The following TXNDC16 variants were observed in gnomAD, a reference collection of about 807,000 sequenced individuals.
TXNDC16 encodes thioredoxin domain containing 16, also known as thioredoxin domain-containing protein 16.
Under a neutral mutation model 85.6 loss-of-function variants are expected in TXNDC16, and 74 were observed. The observed-to-expected ratio is 0.86, with a 90% CI of 0.72 to 1.05. TXNDC16 has a LOEUF of 1.05. Ranked by LOEUF, TXNDC16 falls within the 50% of genes least tolerant of loss-of-function variation. TXNDC16 has a pLI of 0.00. For synonymous variants in TXNDC16, 335 were observed against 326.5 expected (o/e 1.03, Z -0.28); for missense variants, 959 against 947.0 (o/e 1.01, Z -0.17).
intron 16 of TXNDC16, among the ~76,000 whole-genome samples, chr14:52,458,191 C>T (rs2035576154): frequency 1.3e-5 from 2 of 152,156 alleles, no homozygotes; most frequent in African/African-American, 4.8e-5. Flanking sequence ...TTGAGCAATA[C>T]TGTCTGTAGG....
At chr14:52,435,418 T>C (rs1173182879) in intron 20 of TXNDC16, among the ~76,000 whole-genome samples, 2 of 152,134 alleles carry the variant, frequency 1.3e-5, no homozygotes, top group South Asian at 2.1e-4. Context: ...TAAGTGAACA[T>C]AGACTTTCTG....
chr14:52,435,295 A>T (rs1465650531), intron 20 of TXNDC16, among the ~76,000 whole-genome samples: 5 of 147,900 alleles, frequency 3.4e-5, no homozygotes, highest in Non-Finnish European at 7.4e-5. Flanking sequence ...TTTGAGAAAC[A>T]TTCTAGCCCT....
chr14:52,537,073 C>CAT (rs1381016834), intron 5 of TXNDC16, among the ~76,000 whole-genome samples: 1 of 118,952 alleles, frequency 8.4e-6, no homozygotes, highest in Non-Finnish European at 1.7e-5. Flanking sequence ...CTCACAATCA[C>CAT]ACACACACAC....
At chr14:52,456,050 C>CAAGCCCA (rs879615774) in intron 17 of TXNDC16, among the ~76,000 whole-genome samples, 90 of 152,334 alleles carry the variant, frequency 5.9e-4, no homozygotes, top group Middle Eastern at 3.4e-3. Flanking sequence ...CACCCTCCCA[C>CAAGCCCA]AATCCCTTTC....
chr14:52,519,875 T>C (rs996851714), intron 6 of TXNDC16, among the ~76,000 whole-genome samples: 3 of 152,212 alleles, frequency 2.0e-5, no homozygotes, highest in African/African-American at 4.8e-5. Flanking sequence ...AGTAAGCCTG[T>C]AGCATTTTCC....
chr14:52,444,575 T>C (rs781383), intron 18 of TXNDC16, among the ~76,000 whole-genome samples: 15,206 of 152,142 alleles, frequency 0.1, 892 homozygotes, highest in East Asian at 0.18. Context: ...ATAAAAACAT[T>C]GGAAACAAAC....
intron 9 of TXNDC16, among the ~76,000 whole-genome samples, chr14:52,499,790 C>T (rs1249116651): frequency 6.6e-6 from 1 of 151,962 alleles, no homozygotes; most frequent in African/African-American, 2.4e-5. Flanking sequence ...TACCAAAATC[C>T]ATAAATGTTC....
chr14:52,494,974 G>C (rs2036498006), intron 9 of TXNDC16, among the ~76,000 whole-genome samples: 1 of 152,184 alleles, frequency 6.6e-6, no homozygotes. Context: ...TTAGACATAT[G>C]GGTGGGAGCT....
chr14:52,546,840 T>C (rs375615239), intron 1 of TXNDC16, among the ~76,000 whole-genome samples: 2 of 152,242 alleles, frequency 1.3e-5, no homozygotes, highest in Non-Finnish European at 2.9e-5. Context: ...GCATAGAAAC[T>C]GTTCTGGGCC....
chr14:52,526,178 T>C (rs2037331261), intron 6 of TXNDC16, among the ~76,000 whole-genome samples: 1 of 152,144 alleles, frequency 6.6e-6, no homozygotes, highest in Non-Finnish European at 1.5e-5. Context: ...TTTACCACTT[T>C]TCACTTTGTA....
chr14:52,535,915 T>C (rs1294282273), intron 6 of TXNDC16, among the ~76,000 whole-genome samples: 1 of 151,982 alleles, frequency 6.6e-6, no homozygotes, highest in Admixed American at 6.6e-5. Context: ...TCCCAGCTAC[T>C]CGGGAGGCTG....
rs185161666 is a variant in TXNDC16, at chr14:52,466,031, G to A, written c.1618+4006C>T. 8.0e-4 allele frequency among the ~76,000 whole-genome samples: 121 copies of A among 152,180 alleles called. 2 individuals are homozygous for A. In the South Asian group the frequency reaches 0.012, roughly 16 times the overall value. ...ACTGTACAATTCTTTGAACTTTGCTGTGTGCTTGAAAAAGTTCATAATAAA... is the reference window on the plus strand; with the variant it reads ...ACTGTACAATTCTTTGAACTTTGCTATGTGCTTGAAAAAGTTCATAATAAA... On this transcript the variant is annotated intron_variant, in intron 16 of 20. Transcript: ENST00000281741.
At chr14:52,508,043 A>T (rs1022055121) in intron 9 of TXNDC16, among the ~76,000 whole-genome samples, 1 of 152,234 alleles carries the variant, frequency 6.6e-6, no homozygotes, top group Non-Finnish European at 1.5e-5. Flanking sequence ...AGCAATGGCA[A>T]CAAAAGACAA....
At chr14:52,436,945 C>T (rs2035043021) in intron 20 of TXNDC16, among the ~76,000 whole-genome samples, 1 of 151,764 alleles carries the variant, frequency 6.6e-6, no homozygotes, top group Admixed American at 6.6e-5. Context: ...CTAATAAAAT[C>T]CTTATATAGT....
intron 1 of TXNDC16, among the ~76,000 whole-genome samples, chr14:52,548,245 T>C (rs910079031): frequency 6.6e-6 from 1 of 152,176 alleles, no homozygotes; most frequent in African/African-American, 2.4e-5. Flanking sequence ...TAATCTGTTT[T>C]AAAGAAGGGG....
intron 10 of TXNDC16, 90 bp downstream of exon 10, chr14:52,490,749 T>C: frequency 7.2e-7 from 1 of 1,387,178 alleles, no homozygotes; most frequent in South Asian, 1.3e-5. Context: ...AGATTTGAGT[T>C]TACTTATAAG....
chr14:52,507,755 T>A (rs1182367608), intron 9 of TXNDC16, among the ~76,000 whole-genome samples: 1 of 152,104 alleles, frequency 6.6e-6, no homozygotes, highest in Non-Finnish European at 1.5e-5. Flanking sequence ...TCAGAAATAA[T>A]GCCGCATATC....
At chr14:52,496,631 G>C (rs1332472381) in intron 9 of TXNDC16, among the ~76,000 whole-genome samples, 3 of 142,120 alleles carry the variant, frequency 2.1e-5, no homozygotes, top group African/African-American at 2.6e-5. Context: ...TTTTGAGACA[G>C]AGTCTCACTC....
intron 14 of TXNDC16, among the ~76,000 whole-genome samples, chr14:52,481,418 C>G (rs2036148455): frequency 6.6e-6 from 1 of 152,104 alleles, no homozygotes; most frequent in South Asian, 2.1e-4. Context: ...CTTGAGTTTT[C>G]AAAAGCTTCA....
Sources: gnomAD v4.1 joint callset for allele counts (sites outside exome capture counted in the v4.1 genomes callset) on GRCh38, gnomAD v4.1.1 for gene constraint, MANE v1.5 for transcripts, NCBI Gene and HGNC (gene_info 2026-07-23, HGNC 2026-07-21) for gene names.